Variants in FRMD5 observed in about 807,000 individuals in gnomAD.
FRMD5 encodes the protein FERM domain containing 5.
In FRMD5, 20 loss-of-function variants were observed where a neutral mutation model predicts 69.0. The ratio of observed to expected loss-of-function variants is 0.29; its 90% CI spans 0.20 to 0.42. The LOEUF is 0.42. Among genes scored for constraint, FRMD5 ranks in the 10% least tolerant of loss-of-function variants. FRMD5 has a pLI of 1.00. For synonymous variants in FRMD5, 271 were observed against 260.1 expected (o/e 1.04, Z -0.40); for missense variants, 595 against 708.6 (o/e 0.84, Z 1.82).
At chr15:44,028,258 T>C (rs16958691) in intron 1 of FRMD5, among the ~76,000 whole-genome samples, 5,396 of 152,236 alleles carry the variant, frequency 0.035, 286 homozygotes, top group African/African-American at 0.11. Flanking sequence ...GAGGAGATAT[T>C]CCATCCAACT....
At chr15:43,983,153 A>T (rs1595586336) in intron 1 of FRMD5, among the ~76,000 whole-genome samples, 2 of 151,872 alleles carry the variant, frequency 1.3e-5, no homozygotes, top group Admixed American at 1.3e-4. Context: ...CTGGTCTCAA[A>T]CTCCTGACCT....
chr15:43,968,264 A>G (rs77962107), intron 1 of FRMD5, among the ~76,000 whole-genome samples: 3,013 of 152,198 alleles, frequency 0.02, 57 homozygotes, highest in Non-Finnish European at 0.025. Flanking sequence ...ATCCTTTTAA[A>G]TAGAAGGCCT....
rs2077101452 is a variant in FRMD5, at chr15:44,131,766, C to CCAGAGTGTGGTGGGAGAATAAAAT, written c.102+63186_102+63187insATTTTATTCTCCCACCACACTCTG. On this transcript the variant is annotated intron_variant, in intron 1 of 13. Transcript: ENST00000417257. Reference sequence around the variant, plus strand: ...AAAATCATAGAGACAGACAGTAGAACGGTGGTTGCCAGAGTGTGGTGGGAG... The same window carrying CCAGAGTGTGGTGGGAGAATAAAAT: ...AAAATCATAGAGACAGACAGTAGAACCAGAGTGTGGTGGGAGAATAAAATGGTGGTTGCCAGAGTGTGGTGGGAG... Among the ~76,000 whole-genome samples the CCAGAGTGTGGTGGGAGAATAAAAT allele has an allele frequency of 4.2e-5, 6 of 144,190 alleles. No homozygotes were observed. The East Asian group carries it at 6.2e-4, about 15-fold the overall frequency. 94.6% of individuals were successfully genotyped at this position (144,190 alleles called of 152,430 possible).
chr15:43,878,720 A>G (rs1447785956), intron 13 of FRMD5, among the ~76,000 whole-genome samples: 1 of 152,152 alleles, frequency 6.6e-6, no homozygotes, highest in African/African-American at 2.4e-5. Context: ...CTTCATGAAG[A>G]CAGCTCTGAC....
At chr15:43,949,986 C>G (rs922108463) in intron 1 of FRMD5, among the ~76,000 whole-genome samples, 6 of 152,186 alleles carry the variant, frequency 3.9e-5, no homozygotes, top group African/African-American at 1.4e-4. Flanking sequence ...CAGCCAGGAG[C>G]TCTGGAACTT....
intron 1 of FRMD5, among the ~76,000 whole-genome samples, chr15:43,982,999 T>C (rs927219790): frequency 2.0e-5 from 3 of 152,174 alleles, no homozygotes; most frequent in African/African-American, 7.2e-5. Flanking sequence ...GGTGTGATCT[T>C]GGCTCACTGC....
chr15:44,036,356 A>G (rs189083346), intron 1 of FRMD5, among the ~76,000 whole-genome samples: 1 of 140,308 alleles, frequency 7.1e-6, no homozygotes, highest in Non-Finnish European at 1.6e-5. Flanking sequence ...TCTTCAAATT[A>G]AAAAAAAAAA....
intron 1 of FRMD5, among the ~76,000 whole-genome samples, chr15:43,972,013 T>C (rs1283359301): frequency 6.6e-6 from 1 of 150,474 alleles, no homozygotes; most frequent in South Asian, 2.1e-4. Flanking sequence ...CTGGCCAACA[T>C]AGCAAGACCT....
At chr15:43,876,216 C>G in intron 13 of FRMD5, 1 of 1,589,736 alleles carries the variant, frequency 6.3e-7, no homozygotes. Flanking sequence ...CCCCGCTTTT[C>G]CAGAACCACT....
intron 1 of FRMD5, among the ~76,000 whole-genome samples, chr15:44,046,181 G>A (rs1595666613): frequency 2.0e-5 from 3 of 152,186 alleles, no homozygotes; most frequent in East Asian, 3.9e-4. Flanking sequence ...GAGTGATGTC[G>A]TAGTCTTCCT....
intron 1 of FRMD5, among the ~76,000 whole-genome samples, chr15:44,002,313 AG>A (rs1325332218): frequency 6.6e-6 from 1 of 152,084 alleles, no homozygotes; most frequent in East Asian, 1.9e-4. Context: ...AGTATGTTTG[AG>A]GGTGTATATT....
rs955795423 is a variant in FRMD5, at chr15:43,873,106, T to G, written c.*779A>C. The G allele has an allele frequency of 1.0e-5, 14 of 1,401,888 alleles. No individual in the cohort carries two copies. In the Middle Eastern group the frequency reaches 5.3e-4, roughly 53 times the overall value. 86.8% of individuals were successfully genotyped at this position (1,401,888 alleles called of 1,614,324 possible). A position where few individuals can be genotyped will look rare whatever the true frequency, so the allele number is the denominator to read the frequency against. On this transcript the variant is annotated 3_prime_UTR_variant, in exon 14 of 14. Coordinates refer to ENST00000417257, the MANE Select transcript of FRMD5 (RefSeq NM_032892.5). ...TTCGGAAAAAAAAAATCACGTTAAG[T>G]CTAGTTTCATTATACAAAACTATGG... is the stretch of plus-strand genomic sequence containing the variant.
intron 4 of FRMD5, 42 bp downstream of exon 4, chr15:43,919,417 T>C (rs751942650): frequency 6.4e-7 from 1 of 1,566,620 alleles, no homozygotes; most frequent in Non-Finnish European, 8.8e-7. Context: ...TCCTATGCTC[T>C]CCAACAGGTC....
chr15:44,074,282 CT>C (rs1323250021), intron 1 of FRMD5, among the ~76,000 whole-genome samples: 1 of 152,004 alleles, frequency 6.6e-6, no homozygotes, highest in African/African-American at 2.4e-5. Flanking sequence ...ACACAAATAT[CT>C]TTTTTTTCTT....
At chr15:43,906,315 C>T (rs985119729) in intron 5 of FRMD5, among the ~76,000 whole-genome samples, 2 of 152,196 alleles carry the variant, frequency 1.3e-5, no homozygotes, top group African/African-American at 2.4e-5. Context: ...TGTGGCAGCA[C>T]AGGAAGTGGT....
intron 1 of FRMD5, chr15:44,063,789 T>C (rs1893195683): frequency 6.2e-6 from 2 of 322,354 alleles, no homozygotes; most frequent in Non-Finnish European, 6.0e-6. Context: ...CTGGCACTAA[T>C]TACATCATGG....
intron 1 of FRMD5, among the ~76,000 whole-genome samples, chr15:44,110,660 T>C (rs1274832695): frequency 2.0e-5 from 3 of 152,200 alleles, no homozygotes; most frequent in Non-Finnish European, 2.9e-5. Flanking sequence ...AATCCATCTC[T>C]AGCTTCAATA....
At chr15:44,106,823 T>C (rs1479648141) in intron 1 of FRMD5, among the ~76,000 whole-genome samples, 1 of 152,244 alleles carries the variant, frequency 6.6e-6, no homozygotes, top group East Asian at 1.9e-4. Context: ...TAAATGTTTT[T>C]AGTTTGCTGA....
intron 1 of FRMD5, among the ~76,000 whole-genome samples, chr15:44,045,493 A>C (rs550043774): frequency 6.6e-6 from 1 of 152,312 alleles, no homozygotes; most frequent in South Asian, 2.1e-4. Flanking sequence ...AGAATCAATT[A>C]AAAAAAGCAA....
Sources: gnomAD v4.1 joint callset for allele counts (sites outside exome capture counted in the v4.1 genomes callset) on GRCh38, gnomAD v4.1.1 for gene constraint, MANE v1.5 for transcripts, NCBI Gene and HGNC (gene_info 2026-07-23, HGNC 2026-07-21) for gene names.